The following MIB1 variants were observed in gnomAD, a reference collection of about 807,000 sequenced individuals.
MIB1 encodes MIB E3 ubiquitin protein ligase 1, also known as E3 ubiquitin-protein ligase MIB1.
MIB1 carries 278 observed loss-of-function variants against 124.5 expected under a neutral mutation model. The observed-to-expected ratio is 2.23, with a 90% CI of 2.02 to 2.47. The LOEUF (loss-of-function observed/expected upper bound fraction) is 2.47, where lower values mean the gene tolerates loss of function less well. Among genes scored for constraint, MIB1 ranks in the 30% most tolerant of loss-of-function variants. The pLI, the probability that MIB1 is intolerant of heterozygous loss-of-function variation, is 0.00. For missense variants in MIB1, 957 were observed against 1,254.4 expected, an observed-to-expected ratio of 0.76 and a Z score of 3.58; for synonymous variants, 446 against 429.4, an observed-to-expected ratio of 1.04 and a Z score of -0.48.
chr18:21,862,246 A>G lies in MIB1; in HGVS notation c.2881-2280A>G, dbSNP rs558383374. ...GGGATTTTCTATAGCTTTGCTTCTC[A>G]AAACTTTAAGACAAAAATGTGACAG... On this transcript the variant is annotated intron_variant, in intron 20 of 20. Transcript: ENST00000261537. Among the ~76,000 whole-genome samples the G allele has an allele frequency of 7.9e-5, 12 of 152,290 alleles. No individual in the cohort carries two copies. In the South Asian group the frequency reaches 2.5e-3, roughly 32 times the overall value.
chr18:21,804,486 A>G (rs778157382), intron 10 of MIB1, among the ~76,000 whole-genome samples: 18 of 152,236 alleles, frequency 1.2e-4, no homozygotes, highest in Admixed American at 1.0e-3. Context: ...GTTTATCACC[A>G]TATGTGTGTA....
At chr18:21,801,871 T>C (rs2041653928) in intron 9 of MIB1, among the ~76,000 whole-genome samples, 1 of 152,156 alleles carries the variant, frequency 6.6e-6, no homozygotes, top group African/African-American at 2.4e-5. Flanking sequence ...TGGAGTGTCT[T>C]CTCACCCATC....
chr18:21,864,717 T>G lies in MIB1; in HGVS notation c.*51T>G, dbSNP rs1392204640. The G allele has an allele frequency of 6.9e-7, 1 of 1,441,930 alleles. No homozygotes were observed. The highest frequency in any genetic ancestry group is 1.8e-5 in the Admixed American group (1 of 56,438). 89.3% of individuals were successfully genotyped at this position (1,441,930 alleles called of 1,614,324 possible). A position where few individuals can be genotyped will look rare whatever the true frequency, so the allele number is the denominator to read the frequency against. On this transcript the variant is annotated 3_prime_UTR_variant, in exon 21 of 21. Transcript: ENST00000261537. Reference sequence around the variant, plus strand: ...GCTAATGTATCTAGTCATGAGATCTTAATAGGCTTTTGATCTAGTTGGAAG... The same window carrying G: ...GCTAATGTATCTAGTCATGAGATCTGAATAGGCTTTTGATCTAGTTGGAAG...
intron 17 of MIB1, among the ~76,000 whole-genome samples, chr18:21,852,305 AAGAG>A (rs1250198347): frequency 2.0e-5 from 3 of 152,304 alleles, no homozygotes; most frequent in Non-Finnish European, 4.4e-5. Context: ...CATAGAGAGA[AAGAG>A]AGAGAGCACA....
intron 7 of MIB1, among the ~76,000 whole-genome samples, chr18:21,797,283 G>A (rs1376234920): frequency 6.6e-6 from 1 of 152,056 alleles, no homozygotes; most frequent in Non-Finnish European, 1.5e-5. Flanking sequence ...TGGTTGATGG[G>A]TACATGAGGA....
intron 13 of MIB1, among the ~76,000 whole-genome samples, chr18:21,839,983 A>T (rs1245307645): frequency 6.6e-6 from 1 of 152,190 alleles, no homozygotes; most frequent in Admixed American, 6.5e-5. Flanking sequence ...TGAGCCCAGC[A>T]GTTTGAGTTA....
intron 8 of MIB1, among the ~76,000 whole-genome samples, chr18:21,799,597 G>A (rs1002873911): frequency 7.9e-5 from 12 of 151,898 alleles, no homozygotes; most frequent in Non-Finnish European, 1.2e-4. Context: ...AGTATATAAT[G>A]CACTACTTTT....
intron 20 of MIB1, among the ~76,000 whole-genome samples, 199 bp from the exon 21 acceptor site, chr18:21,864,327 C>G (rs1427094344): frequency 6.6e-6 from 1 of 152,162 alleles, no homozygotes; most frequent in Admixed American, 6.5e-5. Flanking sequence ...TTCATACTAT[C>G]CTGATAGTAC....
At chr18:21,717,759 C>T (rs190401198) in intron 1 of MIB1, among the ~76,000 whole-genome samples, 8 of 152,230 alleles carry the variant, frequency 5.3e-5, no homozygotes, top group Admixed American at 3.9e-4. Flanking sequence ...ATGTTGGCAT[C>T]GATGTGGTGA....
At position 21,803,914 on chromosome 18, in the gene MIB1, G is replaced by T; in HGVS notation, c.1379G>T (p.Gly460Val). 2 of 1,610,714 alleles carry T rather than the reference G, an allele frequency of 1.2e-6. No individual in the cohort carries two copies. Among genetic ancestry groups the T allele is most frequent in the Non-Finnish European group, 1.7e-6 (2 of 1,177,858 alleles). ...LLKRPDVDVNGQCAGHTAMQA... is the reference protein window; with the variant it reads ...LLKRPDVDVNVQCAGHTAMQA... Reference sequence around the variant, plus strand: ...TTTTTTTAAAAAATGTAGGTAAATGGGCAATGTGCTGGCCACACAGCTATG... The same window carrying T: ...TTTTTTTAAAAAATGTAGGTAAATGTGCAATGTGCTGGCCACACAGCTATG... The change falls in exon 10 of 21, where the codon GGG (glycine) becomes GTG (valine). Residue 460 changes from glycine (G) to valine (V), a missense_variant. Gly to Val is a moderately radical substitution (Grantham distance 109, BLOSUM62 -3). Coordinates refer to ENST00000261537, the MANE Select transcript of MIB1 (RefSeq NM_020774.4).
chr18:21,753,093 A>G (rs1345972589), intron 1 of MIB1, among the ~76,000 whole-genome samples: 5 of 152,190 alleles, frequency 3.3e-5, no homozygotes. Flanking sequence ...AAAATTATTT[A>G]TGGAAAAATA....
chr18:21,842,113 A>G (rs1374479324), intron 13 of MIB1, among the ~76,000 whole-genome samples: 1 of 147,878 alleles, frequency 6.8e-6, no homozygotes, highest in African/African-American at 2.5e-5. Flanking sequence ...AAAAAAAAAA[A>G]AAAAAGAAGA....
rs1007423438 is a variant in MIB1 at position 21,866,127 on chromosome 18, G to A, written c.*1461G>A. The A allele has an allele frequency of 1.3e-5, 2 of 151,834 alleles. No individual in the cohort carries two copies. Among genetic ancestry groups the A allele is most frequent in the African/African-American group, 4.8e-5 (2 of 41,302 alleles). The allele number at this position is 151,834 out of a possible 1,614,324, so 9.4% of individuals were successfully genotyped here. A position where few individuals can be genotyped will look rare whatever the true frequency, so the allele number is the denominator to read the frequency against. ...AGTTTTTTTCCCTCCTTTAAATCTGGCTAGCTTTTCTTACTTCAGTTTTTA... is the reference window on the plus strand; with the variant it reads ...AGTTTTTTTCCCTCCTTTAAATCTGACTAGCTTTTCTTACTTCAGTTTTTA... On this transcript the variant is annotated 3_prime_UTR_variant, in exon 21 of 21. Coordinates refer to ENST00000261537, the MANE Select transcript of MIB1 (RefSeq NM_020774.4).
intron 10 of MIB1, among the ~76,000 whole-genome samples, chr18:21,806,037 A>C (rs187672916): frequency 1.1e-3 from 168 of 149,636 alleles, no homozygotes; most frequent in African/African-American, 3.9e-3. Context: ...CGAGTAGCTG[A>C]GATTACAGAT....
chr18:21,773,523 G>A lies in MIB1; in HGVS notation c.532-101G>A, dbSNP rs532105552. 5 of 723,988 alleles carry A rather than the reference G, an allele frequency of 6.9e-6. No homozygotes were observed. In the East Asian group the frequency reaches 1.5e-4, roughly 21 times the overall value. 44.8% of individuals were successfully genotyped at this position (723,988 alleles called of 1,614,324 possible). ...TTTTCATGATCCTGTTACACAGGTTGCTAGATGAAATGATTTTTAAGATTT... is the reference window on the plus strand; with the variant it reads ...TTTTCATGATCCTGTTACACAGGTTACTAGATGAAATGATTTTTAAGATTT... On this transcript the variant is annotated intron_variant, in intron 3 of 20. Transcript: ENST00000261537.
intron 10 of MIB1, among the ~76,000 whole-genome samples, chr18:21,809,311 CA>C (rs2041743907): frequency 6.6e-6 from 1 of 152,022 alleles, no homozygotes. Flanking sequence ...CTTATGGTTT[CA>C]GGGGGGATTT....
At chr18:21,707,447 G>C in intron 1 of MIB1, among the ~76,000 whole-genome samples, 1 of 152,220 alleles carries the variant, frequency 6.6e-6, no homozygotes, top group East Asian at 1.9e-4. Flanking sequence ...ACCTACTGGG[G>C]TCGCCTTCCA....
intron 1 of MIB1, among the ~76,000 whole-genome samples, chr18:21,755,400 C>T (rs1026309398): frequency 2.0e-5 from 3 of 150,916 alleles, no homozygotes; most frequent in East Asian, 3.9e-4. Context: ...GGCACTATCT[C>T]GGCTCACTGC....
At chr18:21,780,177 T>TG (rs2041342607) in intron 6 of MIB1, among the ~76,000 whole-genome samples, 1 of 152,214 alleles carries the variant, frequency 6.6e-6, no homozygotes, top group Admixed American at 6.5e-5. Flanking sequence ...ATGCATACAA[T>TG]GTATAATGAT....
Sources: allele counts gnomAD v4.1 joint callset (sites outside exome capture counted in the v4.1 genomes callset), GRCh38; gene constraint gnomAD v4.1.1; transcripts MANE v1.5; gene names NCBI Gene and HGNC (gene_info 2026-07-23, HGNC 2026-07-21).